TNS3: variants seen among roughly 807,000 people sequenced by gnomAD.
The protein encoded by TNS3 is tensin 3, also known as tensin-3.
A neutral mutation model predicts 140.9 loss-of-function variants in TNS3; 45 were observed. The ratio of observed to expected loss-of-function variants is 0.32; its 90% CI spans 0.25 to 0.41. TNS3 has a LOEUF of 0.41. Ranked by LOEUF, TNS3 falls within the 10% of genes least tolerant of loss-of-function variation. The pLI is 1.00. For missense variants in TNS3, 1,716 were observed against 1,906.7 expected (o/e 0.90, Z 1.86); for synonymous variants, 815 against 788.4 (o/e 1.03, Z -0.56).
chr7:47,345,045 T>G lies in TNS3; in HGVS notation c.2452-7A>C. On this transcript the variant is annotated splice_region_variant and splice_polypyrimidine_tract_variant and intron_variant, in intron 18 of 30. Transcript: ENST00000311160. ...GATAGCCAGGGGTCATCGTCTGAAA[T>G]TGGCACAGGGAGTAGAATGTGAGAA... 3 of 1,610,982 alleles carry G rather than the reference T, an allele frequency of 1.9e-6. No homozygotes were observed. Among genetic ancestry groups the G allele is most frequent in the Non-Finnish European group, 2.5e-6 (3 of 1,178,008 alleles).
intron 20 of TNS3, among the ~76,000 whole-genome samples, chr7:47,307,262 T>C (rs1425671784): frequency 2.6e-5 from 4 of 152,190 alleles, no homozygotes; most frequent in African/African-American, 9.7e-5. Flanking sequence ...ATATAAACTC[T>C]TTTTTTCCTC....
intron 2 of TNS3, among the ~76,000 whole-genome samples, chr7:47,509,684 A>G (rs1219938010): frequency 2.0e-5 from 3 of 152,042 alleles, no homozygotes; most frequent in Non-Finnish European, 4.4e-5. Flanking sequence ...CCTGCCGCCC[A>G]CAGGAGACAG....
intron 1 of TNS3, among the ~76,000 whole-genome samples, chr7:47,545,749 A>G (rs922991184): frequency 1.3e-5 from 2 of 152,242 alleles, no homozygotes; most frequent in Non-Finnish European, 2.9e-5. Context: ...GACTTAGATC[A>G]GAAAATGACC....
chr7:47,538,032 C>T (rs1050237013), intron 1 of TNS3, among the ~76,000 whole-genome samples: 6 of 150,762 alleles, frequency 4.0e-5, no homozygotes, highest in African/African-American at 1.5e-4. Context: ...TCTGAAGTCC[C>T]GTCTTCCTTT....
chr7:47,288,847 T>C (rs950917000), intron 27 of TNS3, among the ~76,000 whole-genome samples: 9 of 152,360 alleles, frequency 5.9e-5, no homozygotes, highest in African/African-American at 1.9e-4. Context: ...TTATCCCCAC[T>C]GACCAGATAC....
Position 47,442,071 on chromosome 7 carries a change from C to T in TNS3, c.-75-16G>A. On this transcript the variant is annotated splice_polypyrimidine_tract_variant and intron_variant, in intron 4 of 30. Transcript: ENST00000311160. ...TCCCTGGAGCCTGCAAATAACAAAA[C>T]AAGGGTCATTTTGAAGTTTCCTTTC... 1 of 1,263,660 alleles carries T rather than the reference C, an allele frequency of 7.9e-7. No homozygotes were observed. The highest frequency in any genetic ancestry group is 2.2e-4 in the Middle Eastern group (1 of 4,540). 78.3% of individuals were successfully genotyped at this position (1,263,660 alleles called of 1,614,324 possible).
Position 47,468,754 on chromosome 7 carries a change from T to G in TNS3, c.-76+12349A>C, listed in dbSNP as rs143517180. On this transcript the variant is annotated intron_variant, in intron 4 of 30. Coordinates refer to ENST00000311160, the MANE Select transcript of TNS3 (RefSeq NM_022748.12). ...AAAAAAAACTATTGTAAAATTCATA[T>G]GGAACCAAAAAAGAGCCAAAATAGC... Among the ~76,000 whole-genome samples the G allele has an allele frequency of 1.8e-3, 280 of 152,272 alleles. 1 individual carries two copies. The highest frequency in any genetic ancestry group is 6.4e-3 in the African/African-American group (266 of 41,536).
chr7:47,572,731 C>T (rs900124065), intron 1 of TNS3, among the ~76,000 whole-genome samples: 18 of 152,040 alleles, frequency 1.2e-4, no homozygotes, highest in East Asian at 3.9e-4. Context: ...CAAAAATTAG[C>T]GGGGCGTGGT....
At chr7:47,339,492 C>T (rs534207658) in intron 20 of TNS3, among the ~76,000 whole-genome samples, 28 of 152,240 alleles carry the variant, frequency 1.8e-4, no homozygotes, top group Middle Eastern at 6.8e-3. Context: ...AAAAAATCAG[C>T]TGGGCATATC....
chr7:47,416,213 C>T (rs762823532), intron 10 of TNS3, among the ~76,000 whole-genome samples: 9 of 152,376 alleles, frequency 5.9e-5, no homozygotes, highest in Admixed American at 2.0e-4. Context: ...CATCTCTCTA[C>T]TGCCATGGCA....
At chr7:47,380,770 G>GCACA (rs371316636) in intron 16 of TNS3, among the ~76,000 whole-genome samples, 12 of 150,362 alleles carry the variant, frequency 8.0e-5, no homozygotes, top group Admixed American at 2.0e-4. Context: ...GCACGCGCGC[G>GCACA]CACACACACA....
chr7:47,526,980 C>T (rs1209031071), intron 2 of TNS3, among the ~76,000 whole-genome samples: 2 of 152,184 alleles, frequency 1.3e-5, no homozygotes, highest in African/African-American at 4.8e-5. Flanking sequence ...CGCCTGTAAT[C>T]CCAGCACTTT....
intron 20 of TNS3, among the ~76,000 whole-genome samples, chr7:47,322,101 C>T (rs1234662692): frequency 6.6e-6 from 1 of 151,756 alleles, no homozygotes; most frequent in Non-Finnish European, 1.5e-5. Context: ...GGTCCCTCAG[C>T]CCCAGGACCA....
intron 4 of TNS3, chr7:47,453,030 A>G (rs1222782817): frequency 1.0e-6 from 1 of 985,390 alleles, no homozygotes; most frequent in African/African-American, 1.7e-5. Context: ...TTAGTCAAGC[A>G]CACCCCTCTT....
At chr7:47,280,139 A>C in intron 30 of TNS3, 25 bp downstream of exon 30, 1 of 1,613,960 alleles carries the variant, frequency 6.2e-7, no homozygotes, top group Non-Finnish European at 8.5e-7. Context: ...CAAGGAGAGA[A>C]TGTAAAGAAA....
intron 20 of TNS3, among the ~76,000 whole-genome samples, chr7:47,307,963 A>T (rs1786856742): frequency 6.6e-6 from 1 of 152,162 alleles, no homozygotes; most frequent in South Asian, 2.1e-4. Context: ...CCAGTTTATC[A>T]ATTTGTTCTT....
intron 27 of TNS3, among the ~76,000 whole-genome samples, chr7:47,284,911 G>C (rs1426042334): frequency 1.3e-5 from 2 of 152,260 alleles, no homozygotes; most frequent in Admixed American, 6.5e-5. Flanking sequence ...AGGCAGCCCT[G>C]GGAAGCAGCT....
At chr7:47,489,927 A>AG (rs1797750435) in intron 3 of TNS3, among the ~76,000 whole-genome samples, 1 of 152,226 alleles carries the variant, frequency 6.6e-6, no homozygotes, top group Non-Finnish European at 1.5e-5. Context: ...AGGCAGAATC[A>AG]GGGTCTACAG....
intron 10 of TNS3, among the ~76,000 whole-genome samples, chr7:47,420,865 G>A (rs997944256): frequency 8.5e-5 from 13 of 152,278 alleles, no homozygotes; most frequent in African/African-American, 3.1e-4. Context: ...TGGATTCACT[G>A]CTGGTAACTC....
Sources: allele counts gnomAD v4.1 joint callset (sites outside exome capture counted in the v4.1 genomes callset), GRCh38; gene constraint gnomAD v4.1.1; transcripts MANE v1.5; gene names NCBI Gene and HGNC (gene_info 2026-07-23, HGNC 2026-07-21).